Variants in CTPS2 observed in about 807,000 individuals in gnomAD.
CTPS2 encodes CTP synthase II.
Under a neutral mutation model 46.8 loss-of-function variants are expected in CTPS2, and 19 were observed. The ratio of observed to expected loss-of-function variants is 0.41; its 90% CI spans 0.28 to 0.60. The LOEUF (loss-of-function observed/expected upper bound fraction) is 0.60. CTPS2 is among the 20% of genes least tolerant of loss of function. CTPS2 has a pLI of 0.35. For synonymous variants in CTPS2, 151 were observed against 165.2 expected, an observed-to-expected ratio of 0.91 and a Z score of 0.66; for missense variants, 286 against 447.6, an observed-to-expected ratio of 0.64 and a Z score of 3.26.
At chrX:16,673,436 C>T (rs1251920625) in intron 10 of CTPS2, among the ~76,000 whole-genome samples, 1 of 111,244 alleles carries the variant, frequency 9.0e-6, no homozygotes, top group Non-Finnish European at 1.9e-5. Flanking sequence ...GCAGTACTTT[C>T]TCTTGGTCTC....
Position 16,702,411 on chromosome X carries a change from C to G in CTPS2, c.166+326G>C, listed in dbSNP as rs780763210. 6.2e-5 allele frequency among the ~76,000 whole-genome samples: 7 copies of G among 112,211 alleles called. No homozygotes were observed. In the South Asian group the frequency reaches 2.6e-3, roughly 41 times the overall value. ...GGCTAATGCCATTTTAAAAATAAAT[C>G]AAATATACTCATACATCAAAATGTC... On this transcript the variant is annotated intron_variant, in intron 2 of 18. Coordinates refer to ENST00000359276, the MANE Select transcript of CTPS2 (RefSeq NM_175859.3).
At chrX:16,650,918 C>A in intron 13 of CTPS2, 2 of 834,545 alleles carry the variant, frequency 2.4e-6, no homozygotes, top group Non-Finnish European at 3.5e-6. Context: ...GGCCCAATGG[C>A]ACTAAAATCC....
Position 16,649,766 on chromosome X carries a change from C to A in CTPS2, c.1297-10523G>T, listed in dbSNP as rs1012729992. ...TCGGCCTCCCAAAGTGCTGGGATTA[C>A]AGGCATGAGCTACCGCACAGGGCAG... On this transcript the variant is annotated intron_variant, in intron 13 of 18. Coordinates refer to ENST00000359276, the MANE Select transcript of CTPS2 (RefSeq NM_175859.3). Among the ~76,000 whole-genome samples, 3 of 112,550 alleles carry A rather than the reference C, an allele frequency of 2.7e-5. No individual in the cohort carries two copies. The East Asian group carries it at 8.3e-4, about 31-fold the overall frequency.
Position 16,699,100 on chromosome X carries a change from T to C in CTPS2, c.167-7A>G. ...TTTAAGACGAAGACTTCACCTAGGA[T>C]TAAAAAGGCAATGGAAAAATCAAAA... is the stretch of plus-strand genomic sequence containing the variant. On this transcript the variant is annotated splice_polypyrimidine_tract_variant and splice_region_variant and intron_variant, in intron 2 of 18. Coordinates refer to ENST00000359276, the MANE Select transcript of CTPS2 (RefSeq NM_175859.3). 1 of 1,121,927 alleles carries C rather than the reference T, an allele frequency of 8.9e-7. No individual in the cohort carries two copies. The highest frequency in any genetic ancestry group is 1.2e-6 in the Non-Finnish European group (1 of 854,697). The allele number at this position is 1,121,927 out of a possible 1,213,427, so 92.5% of individuals were successfully genotyped here.
intron 17 of CTPS2, among the ~76,000 whole-genome samples, chrX:16,607,660 T>C (rs746343627): frequency 5.3e-5 from 6 of 112,774 alleles, no homozygotes; most frequent in African/African-American, 1.9e-4. Flanking sequence ...ATAAGTAGGG[T>C]TGTGTAACAA....
chrX:16,625,874 A>C (rs771279152), intron 14 of CTPS2, among the ~76,000 whole-genome samples: 25 of 110,753 alleles, frequency 2.3e-4, no homozygotes, highest in African/African-American at 8.2e-4. Flanking sequence ...TCTTCTGCTC[A>C]TGGAGCCTGG....
intron 14 of CTPS2, among the ~76,000 whole-genome samples, chrX:16,622,035 A>T (rs1930868789): frequency 9.0e-6 from 1 of 111,468 alleles, no homozygotes; most frequent in African/African-American, 3.3e-5. Context: ...GACAGCCTAA[A>T]CTAAAACAAC....
intron 8 of CTPS2, among the ~76,000 whole-genome samples, chrX:16,687,947 G>A (rs1041952454): frequency 4.9e-4 from 54 of 110,684 alleles, no homozygotes; most frequent in African/African-American, 1.7e-3. Flanking sequence ...ATATACAGAA[G>A]GGAAAAAAAG....
intron 13 of CTPS2, among the ~76,000 whole-genome samples, chrX:16,656,386 A>G (rs886102361): frequency 4.5e-5 from 5 of 111,542 alleles, no homozygotes; most frequent in African/African-American, 1.6e-4. Context: ...TTAACATCAG[A>G]AAGATATGGG....
At chrX:16,611,319 C>T (rs986129863) in intron 16 of CTPS2, among the ~76,000 whole-genome samples, 1 of 110,083 alleles carries the variant, frequency 9.1e-6, no homozygotes, top group Non-Finnish European at 1.9e-5. Flanking sequence ...GGCGTGGTGG[C>T]GTGCACCTGT....
At chrX:16,687,429 T>C (rs1444876275) in intron 8 of CTPS2, among the ~76,000 whole-genome samples, 3 of 94,377 alleles carry the variant, frequency 3.2e-5, no homozygotes, top group Non-Finnish European at 6.1e-5. Context: ...GAGCTGAGAT[T>C]GCACCACTGC....
intron 13 of CTPS2, among the ~76,000 whole-genome samples, chrX:16,646,249 C>A (rs5936157): frequency 8.9e-6 from 1 of 112,246 alleles, no homozygotes; most frequent in African/African-American, 3.2e-5. Context: ...GTTGAGGGTG[C>A]AGGCTGGGCC....
chrX:16,631,578 C>G (rs986984726), intron 14 of CTPS2, among the ~76,000 whole-genome samples: 1 of 111,736 alleles, frequency 8.9e-6, no homozygotes, highest in Non-Finnish European at 1.9e-5. Flanking sequence ...TTCACACACA[C>G]CAGATTGTGC....
intron 17 of CTPS2, among the ~76,000 whole-genome samples, chrX:16,593,699 G>A (rs771882825): frequency 9.2e-6 from 1 of 108,194 alleles, no homozygotes; most frequent in African/African-American, 3.4e-5. Flanking sequence ...CGGGGGTGGG[G>A]GGAGCACTAG....
At chrX:16,703,063 C>T in intron 1 of CTPS2, 122 bp from the exon 2 acceptor site, 1 of 461,693 alleles carries the variant, frequency 2.2e-6, no homozygotes. Context: ...TTACTGTCAC[C>T]CAGGCTGGAA....
intron 8 of CTPS2, among the ~76,000 whole-genome samples, chrX:16,684,162 A>T (rs1282076644): frequency 9.0e-6 from 1 of 111,348 alleles, no homozygotes; most frequent in African/African-American, 3.3e-5. Context: ...CCTTCCCCAA[A>T]CACCTTAGAA....
chrX:16,702,504 A>G (rs1054439923), intron 2 of CTPS2, among the ~76,000 whole-genome samples: 1 of 112,609 alleles, frequency 8.9e-6, no homozygotes, highest in Non-Finnish European at 1.9e-5. Flanking sequence ...TATGTTAAAA[A>G]TAAAACAGAA....
chrX:16,610,049 T>A (rs191094268), intron 16 of CTPS2, among the ~76,000 whole-genome samples: 1 of 111,687 alleles, frequency 9.0e-6, no homozygotes, highest in African/African-American at 3.3e-5. Context: ...TTTCTTTAGG[T>A]GGCTTCAGGC....
intron 17 of CTPS2, among the ~76,000 whole-genome samples, chrX:16,605,025 A>G (rs1929890767): frequency 8.9e-6 from 1 of 112,396 alleles, no homozygotes; most frequent in African/African-American, 3.2e-5. Context: ...GCCTGCTTGC[A>G]GGGTTAGTTC....
Sources: gnomAD v4.1 joint callset for allele counts (sites outside exome capture counted in the v4.1 genomes callset) on GRCh38, gnomAD v4.1.1 for gene constraint, MANE v1.5 for transcripts, NCBI Gene and HGNC (gene_info 2026-07-23, HGNC 2026-07-21) for gene names.